SLC20A2: variants seen among roughly 807,000 people sequenced by gnomAD.
The protein encoded by SLC20A2 is solute carrier family 20 member 2, also known as sodium-dependent phosphate transporter 2.
SLC20A2 carries 30 observed loss-of-function variants against 61.0 expected under a neutral mutation model. The ratio of observed to expected loss-of-function variants is 0.49; its 90% confidence interval spans 0.37 to 0.67. SLC20A2 has a LOEUF of 0.67. Among genes scored for constraint, SLC20A2 ranks in the 30% least tolerant of loss-of-function variants. SLC20A2 has a pLI of 0.00. For synonymous variants in SLC20A2, 351 were observed against 353.3 expected (o/e 0.99, Z 0.07); for missense variants, 626 against 866.4 (o/e 0.72, Z 3.48).
upstream of SLC20A2, among the ~76,000 whole-genome samples, chr8:42,504,927 C>T (rs959353865): frequency 1.6e-5 from 2 of 123,038 alleles, no homozygotes; most frequent in African/African-American, 6.2e-5. Flanking sequence ...GGGACAGATA[C>T]AGAGATGAAA....
intron 5 of SLC20A2, among the ~76,000 whole-genome samples, chr8:42,453,489 A>G (rs1805902673): frequency 6.6e-6 from 1 of 152,230 alleles, no homozygotes; most frequent in African/African-American, 2.4e-5. Flanking sequence ...AGCAGAGGAA[A>G]TCAAAACAAA....
intron 1 of SLC20A2, among the ~76,000 whole-genome samples, chr8:42,478,208 TTTTC>T (rs1563505104): frequency 2.3e-5 from 3 of 132,958 alleles, no homozygotes; most frequent in Non-Finnish European, 5.1e-5. Flanking sequence ...TTTCTTTTCC[TTTTC>T]TTTTTTTTTT....
At chr8:42,423,321 C>T (rs967794660) in intron 10 of SLC20A2, among the ~76,000 whole-genome samples, 1 of 147,810 alleles carries the variant, frequency 6.8e-6, no homozygotes, top group Non-Finnish European at 1.5e-5. Context: ...GTTAGCACAA[C>T]TTATCTTTAA....
At chr8:42,421,571 G>A (rs187159774) in intron 10 of SLC20A2, among the ~76,000 whole-genome samples, 49 of 152,242 alleles carry the variant, frequency 3.2e-4, no homozygotes, top group Middle Eastern at 3.4e-3. Flanking sequence ...TTGGGAGGCC[G>A]AGGCGGGCAG....
rs572449376 is a variant in SLC20A2, at chr8:42,433,189, CTTGCAAATG to C, written c.1524-2949_1524-2941del. Among the ~76,000 whole-genome samples, 123 of 152,312 alleles carry C rather than the reference CTTGCAAATG, an allele frequency of 8.1e-4. 1 individual carries two copies. The highest frequency in any genetic ancestry group is 1.5e-3 in the Non-Finnish European group (105 of 68,030). Reference sequence around the variant, plus strand: ...AAACAGATCTCCAGAACTTGTTCATCTTGCAAATGTGAAACTCTGCACTCTTTAAACAAA... The same window carrying C: ...AAACAGATCTCCAGAACTTGTTCATCTGAAACTCTGCACTCTTTAAACAAA... On this transcript the variant is annotated intron_variant, in intron 8 of 10. Transcript: ENST00000520262.
At chr8:42,529,863 T>C (rs903973269) in intron 1 of SLC20A2, among the ~76,000 whole-genome samples, 7 of 152,182 alleles carry the variant, frequency 4.6e-5, no homozygotes. Flanking sequence ...AAAATAATAC[T>C]AATCATAAAA....
chr8:42,437,622 T>TC lies in SLC20A2; in HGVS notation c.935-46_935-45insG, dbSNP rs1563454993. On this transcript the variant is annotated intron_variant, in intron 7 of 10. Transcript: ENST00000520262. The surrounding 1 kb of genome is among the most constrained non-coding windows in gnomAD (Gnocchi z 6.4). ...GTCTCATTTTCCAGTCTTTTTTTTT[T>TC]TTTTCTTTTCTTTTTGAGACGGAGC... 2.7e-6 allele frequency: 4 copies of TC among 1,486,072 alleles called. No individual in the cohort carries two copies. The highest frequency in any genetic ancestry group is 3.6e-6 in the Non-Finnish European group (4 of 1,110,714). 92.1% of individuals were successfully genotyped at this position (1,486,072 alleles called of 1,614,324 possible).
In SLC20A2 at chr8:42,473,421, T is replaced by C. The variant is rs115444893; in HGVS notation, c.-264-767A>G. 7.0e-3 allele frequency among the ~76,000 whole-genome samples: 1,071 copies of C among 152,090 alleles called. 6 individuals are homozygous for C. Among genetic ancestry groups the C allele is most frequent in the African/African-American group, 0.024 (1,004 of 41,450 alleles). ...GTGTCACTGTCCCCTTGCAATCCCTTAGAAAGACCAGGCACACTCTCACCT... is the reference window on the plus strand; with the variant it reads ...GTGTCACTGTCCCCTTGCAATCCCTCAGAAAGACCAGGCACACTCTCACCT... On this transcript the variant is annotated intron_variant, in intron 1 of 10. Coordinates refer to ENST00000520262, the MANE Select transcript of SLC20A2 (RefSeq NM_001257180.2).
At chr8:42,463,299 A>T in intron 3 of SLC20A2, 1 of 445,970 alleles carries the variant, frequency 2.2e-6, no homozygotes, top group Non-Finnish European at 4.0e-6. Flanking sequence ...ATCAACACAC[A>T]GTCACACACC....
At chr8:42,498,844 A>G (rs1810131100) in intron 1 of SLC20A2, among the ~76,000 whole-genome samples, 1 of 152,204 alleles carries the variant, frequency 6.6e-6, no homozygotes, top group South Asian at 2.1e-4. Flanking sequence ...TACATAGCGC[A>G]GTTCCCATTT....
intron 8 of SLC20A2, among the ~76,000 whole-genome samples, chr8:42,434,092 C>T (rs2130986134): frequency 6.6e-6 from 1 of 152,126 alleles, no homozygotes; most frequent in South Asian, 2.1e-4. Context: ...GAGTCTCCCT[C>T]TGTTGCCCAG....
intron 3 of SLC20A2, among the ~76,000 whole-genome samples, chr8:42,464,541 A>T (rs946365034): frequency 2.0e-5 from 3 of 152,100 alleles, no homozygotes; most frequent in African/African-American, 7.2e-5. Flanking sequence ...TCTGACCTAT[A>T]GACTGACTTC....
At chr8:42,421,167 A>G (rs1185026213) in intron 10 of SLC20A2, among the ~76,000 whole-genome samples, 3 of 152,140 alleles carry the variant, frequency 2.0e-5, no homozygotes, top group Non-Finnish European at 4.4e-5. Flanking sequence ...TCTTCCATAT[A>G]TATCACTCAC....
At chr8:42,434,924 G>A (rs1019532244) in intron 8 of SLC20A2, among the ~76,000 whole-genome samples, 2 of 152,078 alleles carry the variant, frequency 1.3e-5, no homozygotes, top group Non-Finnish European at 2.9e-5. Context: ...GTGTGTGTGC[G>A]TGTGTGTGTG....
intron 1 of SLC20A2, among the ~76,000 whole-genome samples, chr8:42,511,336 T>C (rs370340204): frequency 1.5e-4 from 23 of 152,146 alleles, no homozygotes; most frequent in African/African-American, 5.6e-4. Flanking sequence ...AACTAAGAAG[T>C]GGTCACTTTT....
At chr8:42,477,845 A>G (rs1381413071) in intron 1 of SLC20A2, among the ~76,000 whole-genome samples, 1 of 152,106 alleles carries the variant, frequency 6.6e-6, no homozygotes, top group Non-Finnish European at 1.5e-5. Flanking sequence ...CGCTAAGAAA[A>G]AAACCACTCA....
At chr8:42,436,056 C>T (rs963664551) in intron 8 of SLC20A2, among the ~76,000 whole-genome samples, 1 of 151,986 alleles carries the variant, frequency 6.6e-6, no homozygotes, top group Non-Finnish European at 1.5e-5. Flanking sequence ...AAGGAGGTTG[C>T]AGTGAGCTGA....
intron 1 of SLC20A2, among the ~76,000 whole-genome samples, chr8:42,488,046 C>A (rs895312466): frequency 1.3e-5 from 2 of 152,178 alleles, no homozygotes; most frequent in Non-Finnish European, 2.9e-5. Flanking sequence ...ATCCACGTTG[C>A]AGCATGTATG....
At chr8:42,509,130 A>T (rs1810889765) in intron 1 of SLC20A2, among the ~76,000 whole-genome samples, 1 of 152,282 alleles carries the variant, frequency 6.6e-6, no homozygotes, top group South Asian at 2.1e-4. Flanking sequence ...AAATAAACAT[A>T]TGTTTATGCA....
Sources: allele counts gnomAD v4.1 joint callset (sites outside exome capture counted in the v4.1 genomes callset), GRCh38; gene constraint gnomAD v4.1.1; non-coding constraint Gnocchi (gnomAD v3.1); transcripts MANE v1.5; gene names NCBI Gene and HGNC (gene_info 2026-07-23, HGNC 2026-07-21).